The following VAV3 variants were observed in gnomAD, a reference collection of about 807,000 sequenced individuals.
VAV3 encodes vav guanine nucleotide exchange factor 3, also known as guanine nucleotide exchange factor VAV3.
Under a neutral mutation model 131.2 loss-of-function variants are expected in VAV3, and 94 were observed. That is an observed-to-expected ratio of 0.72 (90% CI 0.61 to 0.85). VAV3 has a LOEUF of 0.85. Among genes scored for constraint, VAV3 ranks in the 40% least tolerant of loss-of-function variants. The probability of loss-of-function intolerance (pLI) is 0.00; values close to 1 mark genes in which losing one functional copy is unlikely to be tolerated. For synonymous variants in VAV3, 349 were observed against 342.0 expected (o/e 1.02, Z -0.22); for missense variants, 939 against 1,002.7 (o/e 0.94, Z 0.86).
At chr1:107,701,165 G>C (rs1428112392) in intron 17 of VAV3, among the ~76,000 whole-genome samples, 1 of 151,822 alleles carries the variant, frequency 6.6e-6, no homozygotes, top group Non-Finnish European at 1.5e-5. Context: ...TTTCTTTCTT[G>C]TAAATTTGTT....
chr1:107,929,728 T>C (rs918441466), intron 1 of VAV3, among the ~76,000 whole-genome samples: 1 of 152,176 alleles, frequency 6.6e-6, no homozygotes, highest in Non-Finnish European at 1.5e-5. Context: ...TTTTTGCTTG[T>C]TTGTTTGCTT....
At chr1:107,806,761 C>A (rs1667076756) in intron 2 of VAV3, among the ~76,000 whole-genome samples, 1 of 151,744 alleles carries the variant, frequency 6.6e-6, no homozygotes, top group South Asian at 2.1e-4. Flanking sequence ...GGCTCATCAC[C>A]CAAAAAAAAG....
At chr1:107,846,372 G>GC (rs1668968111) in intron 2 of VAV3, among the ~76,000 whole-genome samples, 1 of 150,928 alleles carries the variant, frequency 6.6e-6, no homozygotes, top group Non-Finnish European at 1.5e-5. Flanking sequence ...CATCAACACT[G>GC]TGAAGAAACT....
chr1:107,690,623 C>T lies in VAV3; in HGVS notation c.1706-2217G>A, dbSNP rs554603680. Among the ~76,000 whole-genome samples, 197 of 152,282 alleles carry T rather than the reference C, an allele frequency of 1.3e-3. 1 individual carries two copies. Among genetic ancestry groups the T allele is most frequent in the Admixed American group, 2.3e-3 (35 of 15,286 alleles). The stretch of plus-strand genomic sequence containing the variant: ...CTTGTCATTGTCTCCTGCTTCCTTC[C>T]TCTGGTGTCTCATCAAGAGAAGCAA... On this transcript the variant is annotated intron_variant, in intron 17 of 26. Transcript: ENST00000370056.
chr1:107,645,481 G>A (rs1399639272), intron 19 of VAV3, among the ~76,000 whole-genome samples: 1 of 152,008 alleles, frequency 6.6e-6, no homozygotes, highest in African/African-American at 2.4e-5. Flanking sequence ...CTGACAACTT[G>A]CTCTTTGCTT....
intron 2 of VAV3, among the ~76,000 whole-genome samples, chr1:107,821,724 T>C (rs758673412): frequency 2.2e-4 from 34 of 152,322 alleles, no homozygotes; most frequent in Middle Eastern, 6.8e-3. Context: ...TGTTAGAGGA[T>C]ACTTTGGCTG....
chr1:107,726,904 G>C (rs915333288), intron 15 of VAV3, among the ~76,000 whole-genome samples: 3 of 152,080 alleles, frequency 2.0e-5, no homozygotes, highest in African/African-American at 7.2e-5. Flanking sequence ...TCATTGTCTA[G>C]TGTGTAAATC....
At chr1:107,808,070 G>A (rs537746259) in intron 2 of VAV3, among the ~76,000 whole-genome samples, 6 of 152,220 alleles carry the variant, frequency 3.9e-5, no homozygotes, top group African/African-American at 1.2e-4. Context: ...GCATAGAAAC[G>A]ATGCTTTCTA....
At chr1:107,722,260 A>C (rs570110760) in intron 15 of VAV3, among the ~76,000 whole-genome samples, 73 of 152,304 alleles carry the variant, frequency 4.8e-4, no homozygotes, top group Non-Finnish European at 8.1e-4. Context: ...AAAACTAATT[A>C]CATTAGAGAA....
chr1:107,600,022 GC>G (rs1651721368), intron 24 of VAV3, among the ~76,000 whole-genome samples: 5 of 151,922 alleles, frequency 3.3e-5, no homozygotes, highest in Admixed American at 3.3e-4. Context: ...AGTTCAGGTT[GC>G]TAAAACATGA....
chr1:107,661,242 C>T (rs1306765895), intron 19 of VAV3, among the ~76,000 whole-genome samples: 1 of 151,934 alleles, frequency 6.6e-6, no homozygotes, highest in Non-Finnish European at 1.5e-5. Context: ...CCCCACCAGC[C>T]TCCTTCACGG....
intron 2 of VAV3, among the ~76,000 whole-genome samples, chr1:107,829,361 A>G (rs1381472758): frequency 6.6e-6 from 1 of 152,306 alleles, no homozygotes; most frequent in Non-Finnish European, 1.5e-5. Context: ...TCCTAGCTGC[A>G]TTCTGTCAGC....
chr1:107,848,931 G>A (rs1471504877), intron 2 of VAV3, among the ~76,000 whole-genome samples: 2 of 151,946 alleles, frequency 1.3e-5, no homozygotes, highest in Non-Finnish European at 2.9e-5. Context: ...ACACCAATCA[G>A]ACAAACAGAG....
intron 15 of VAV3, among the ~76,000 whole-genome samples, chr1:107,707,375 AG>A (rs1250023754): frequency 6.6e-6 from 1 of 152,220 alleles, no homozygotes; most frequent in Non-Finnish European, 1.5e-5. Context: ...TAGGCAAGTT[AG>A]TGAGTATAAA....
At chr1:107,790,365 C>T (rs1049170593) in intron 2 of VAV3, among the ~76,000 whole-genome samples, 2 of 152,210 alleles carry the variant, frequency 1.3e-5, no homozygotes, top group African/African-American at 2.4e-5. Flanking sequence ...TAGACATGCA[C>T]TGAGAAAACT....
At chr1:107,957,881 TAA>T (rs11413288) in intron 1 of VAV3, among the ~76,000 whole-genome samples, 3 of 142,186 alleles carry the variant, frequency 2.1e-5, no homozygotes, top group African/African-American at 2.6e-5. Context: ...TTCTCCATCT[TAA>T]AAAAAAAAAA....
chr1:107,811,431 A>G (rs1570985905), intron 2 of VAV3, among the ~76,000 whole-genome samples: 1 of 152,340 alleles, frequency 6.6e-6, no homozygotes, highest in Admixed American at 6.5e-5. Flanking sequence ...AGCCTCACAT[A>G]GAAAAGCAAA....
At chr1:107,651,615 C>T (rs1656178163) in intron 19 of VAV3, among the ~76,000 whole-genome samples, 1 of 151,992 alleles carries the variant, frequency 6.6e-6, no homozygotes, top group South Asian at 2.1e-4. Context: ...TGTGCACACA[C>T]ATGCACATAT....
intron 17 of VAV3, among the ~76,000 whole-genome samples, chr1:107,693,595 C>A (rs2101796064): frequency 6.6e-6 from 1 of 152,108 alleles, no homozygotes. Flanking sequence ...CTAACTTGAA[C>A]AAAAAGAAGT....
Sources: allele counts gnomAD v4.1 joint callset (sites outside exome capture counted in the v4.1 genomes callset), GRCh38; gene constraint gnomAD v4.1.1; transcripts MANE v1.5; gene names NCBI Gene and HGNC (gene_info 2026-07-23, HGNC 2026-07-21).